Variants in KLHL1 observed in about 807,000 individuals in gnomAD.
KLHL1 encodes kelch-like protein 1.
In KLHL1, 47 loss-of-function variants were observed where a neutral mutation model predicts 77.7. The ratio of observed to expected loss-of-function variants is 0.60; its 90% CI spans 0.48 to 0.77. KLHL1 has a LOEUF of 0.77. KLHL1 is among the 30% of genes least tolerant of loss of function. The probability of loss-of-function intolerance (pLI) is 0.00; values close to 1 mark genes in which losing one functional copy is unlikely to be tolerated. For synonymous variants in KLHL1, 360 were observed against 325.2 expected (o/e 1.11, Z -1.15); for missense variants, 925 against 910.8 (o/e 1.02, Z -0.20).
intron 1 of KLHL1, among the ~76,000 whole-genome samples, chr13:70,051,606 G>A (rs947652167): frequency 2.6e-5 from 4 of 152,012 alleles, no homozygotes; most frequent in Non-Finnish European, 4.4e-5. Context: ...CACTGATATT[G>A]TCTAAAGGAG....
At chr13:69,865,244 G>C (rs1880326762) in intron 5 of KLHL1, among the ~76,000 whole-genome samples, 1 of 152,142 alleles carries the variant, frequency 6.6e-6, no homozygotes, top group Admixed American at 6.6e-5. Context: ...GCCCTGAGTT[G>C]AGCTTTTAAT....
intron 7 of KLHL1, among the ~76,000 whole-genome samples, chr13:69,776,645 C>T (rs1045627760): frequency 3.3e-5 from 5 of 152,020 alleles, no homozygotes; most frequent in African/African-American, 9.7e-5. Flanking sequence ...TAAGTTGACA[C>T]ATGGAATATT....
chr13:69,799,492 A>G (rs1566267855), intron 6 of KLHL1, among the ~76,000 whole-genome samples: 1 of 152,170 alleles, frequency 6.6e-6, no homozygotes, highest in Admixed American at 6.5e-5. Flanking sequence ...TTTTCCTGTA[A>G]CTTCAGTCTT....
At chr13:70,035,550 A>AT (rs765418224) in intron 1 of KLHL1, among the ~76,000 whole-genome samples, 5 of 152,032 alleles carry the variant, frequency 3.3e-5, no homozygotes, top group African/African-American at 7.2e-5. Flanking sequence ...AAATAAGATA[A>AT]TTTTTTTAAA....
At chr13:70,007,783 A>C (rs2137333449) in intron 1 of KLHL1, among the ~76,000 whole-genome samples, 1 of 152,148 alleles carries the variant, frequency 6.6e-6, no homozygotes, top group East Asian at 1.9e-4. Context: ...AAGAAAACAA[A>C]TACAAACACA....
intron 10 of KLHL1, among the ~76,000 whole-genome samples, chr13:69,706,137 A>G (rs1490329647): frequency 3.3e-5 from 5 of 151,110 alleles, no homozygotes; most frequent in African/African-American, 1.2e-4. Context: ...GTGAAAAGCA[A>G]TCATTACTTG....
intron 1 of KLHL1, among the ~76,000 whole-genome samples, chr13:70,071,485 C>T (rs1386936409): frequency 6.6e-6 from 1 of 151,958 alleles, no homozygotes; most frequent in Non-Finnish European, 1.5e-5. Flanking sequence ...AACTAAATAA[C>T]AGCATCTAAC....
intron 1 of KLHL1, among the ~76,000 whole-genome samples, chr13:70,002,261 G>A (rs563159122): frequency 4.0e-5 from 6 of 151,460 alleles, no homozygotes; most frequent in African/African-American, 7.3e-5. Flanking sequence ...AAAATGGTCC[G>A]CATGTTTGAA....
intron 6 of KLHL1, among the ~76,000 whole-genome samples, chr13:69,803,634 A>G (rs1877488901): frequency 6.6e-6 from 1 of 152,198 alleles, no homozygotes; most frequent in Non-Finnish European, 1.5e-5. Context: ...CCTGAAAGTG[A>G]GAGATTTTCT....
intron 1 of KLHL1, among the ~76,000 whole-genome samples, chr13:69,996,068 G>A (rs1885143011): frequency 6.6e-6 from 1 of 152,116 alleles, no homozygotes. Flanking sequence ...ACTTTGGGAG[G>A]TCAATGCGGG....
rs1555295388 is a variant in KLHL1 at position 70,075,569 on chromosome 13, G to GTATATATATA, written c.497+31624_497+31633dup. Among the ~76,000 whole-genome samples the GTATATATATA allele has an allele frequency of 8.3e-3, 881 of 106,574 alleles. 17 individuals carry two copies. The highest frequency in any genetic ancestry group is 0.022 in the African/African-American group (613 of 27,274). The allele number at this position is 106,574 out of a possible 152,430, so 69.9% of individuals were successfully genotyped here. On this transcript the variant is annotated intron_variant, in intron 1 of 10. Coordinates refer to ENST00000377844, the MANE Select transcript of KLHL1 (RefSeq NM_020866.3). ...TATATATACCTGTGTGTGTGTATGT[G>GTATATATATA]TATATATATATATATATATACACAC...
chr13:69,721,090 CCTCCCTT>C (rs1873040494), intron 8 of KLHL1, among the ~76,000 whole-genome samples: 3 of 32,822 alleles, frequency 9.1e-5, no homozygotes, highest in Non-Finnish European at 1.5e-4. Flanking sequence ...AAGCTATGTA[CCTCCCTT>C]ACAAGGAATT....
At chr13:69,806,949 T>G (rs897257658) in intron 6 of KLHL1, among the ~76,000 whole-genome samples, 1 of 152,168 alleles carries the variant, frequency 6.6e-6, no homozygotes, top group Non-Finnish European at 1.5e-5. Context: ...AAGACACAAG[T>G]GGACCATACA....
intron 1 of KLHL1, among the ~76,000 whole-genome samples, chr13:70,032,947 C>G (rs1886141511): frequency 1.3e-5 from 2 of 152,036 alleles, no homozygotes; most frequent in Admixed American, 1.3e-4. Flanking sequence ...AATTGCAGCT[C>G]TTAGTTTTTG....
intron 5 of KLHL1, among the ~76,000 whole-genome samples, chr13:69,860,053 T>A (rs1412419390): frequency 1.3e-5 from 2 of 152,110 alleles, no homozygotes; most frequent in Non-Finnish European, 2.9e-5. Flanking sequence ...AACAATCTTA[T>A]CATTAGTTTG....
intron 6 of KLHL1, among the ~76,000 whole-genome samples, chr13:69,802,380 C>A (rs1477497681): frequency 1.3e-5 from 2 of 151,856 alleles, no homozygotes; most frequent in Non-Finnish European, 2.9e-5. Flanking sequence ...GAGTATATAC[C>A]CAAGAACTCC....
At chr13:70,018,734 A>C (rs1199432682) in intron 1 of KLHL1, among the ~76,000 whole-genome samples, 1 of 149,900 alleles carries the variant, frequency 6.7e-6, no homozygotes, top group Non-Finnish European at 1.5e-5. Flanking sequence ...AGAGGTCTAG[A>C]TTTTTCCTTA....
chr13:69,956,946 A>T (rs1448591316), intron 3 of KLHL1, among the ~76,000 whole-genome samples: 3 of 151,700 alleles, frequency 2.0e-5, no homozygotes, highest in Non-Finnish European at 4.4e-5. Flanking sequence ...AGTTCTAGAC[A>T]TTGCTACTTC....
intron 6 of KLHL1, among the ~76,000 whole-genome samples, chr13:69,838,122 A>G (rs570531917): frequency 8.7e-5 from 13 of 149,466 alleles, no homozygotes; most frequent in Non-Finnish European, 1.9e-4. Flanking sequence ...TTTTCCCTGC[A>G]GCTACAATTT....
Sources: gnomAD v4.1 joint callset for allele counts (sites outside exome capture counted in the v4.1 genomes callset) on GRCh38, gnomAD v4.1.1 for gene constraint, MANE v1.5 for transcripts, NCBI Gene and HGNC (gene_info 2026-07-23, HGNC 2026-07-21) for gene names.